FAM111A: variants seen among roughly 807,000 people sequenced by gnomAD.
FAM111A encodes FAM111 trypsin like peptidase A.
FAM111A carries 8 observed loss-of-function variants against 3.3 expected under a neutral mutation model. The ratio of observed to expected loss-of-function variants is 2.39; its 90% CI spans 1.40 to 4.32. The LOEUF is 4.32. Among genes scored for constraint, FAM111A ranks in the 30% most tolerant of loss-of-function variants. The pLI, the probability that FAM111A is intolerant of heterozygous loss-of-function variation, is 0.00. For synonymous variants in FAM111A, 227 were observed against 243.1 expected, an observed-to-expected ratio of 0.93 and a Z score of 0.62; for missense variants, 683 against 727.6, an observed-to-expected ratio of 0.94 and a Z score of 0.71.
In FAM111A at chr11:59,148,955, T is replaced by C. The variant is rs752494544; in HGVS notation, c.81+2T>C. The C allele has an allele frequency of 6.2e-7, 1 of 1,605,106 alleles. No individual in the cohort carries two copies. The highest frequency in any genetic ancestry group is 1.1e-5 in the South Asian group (1 of 90,804). On this transcript the variant is annotated splice_donor_variant, in intron 5 of 5. Coordinates refer to ENST00000675163, the MANE Select transcript of FAM111A (RefSeq NM_001312909.2). LOFTEE classifies it high-confidence loss of function. The stretch of plus-strand genomic sequence containing the variant: ...AAAATCGAGCACTATTTTTCTCCGG[T>C]ATGTCTGTAAATTCTACTTATGTAA...
In FAM111A at chr11:59,152,058, C is replaced by T. The variant is rs1332676821; in HGVS notation, c.390C>T (p.Gly130=). The stretch of plus-strand genomic sequence containing the variant: ...AAGGCCAAGAAATGCTTGTGCGTGG[C>T]ACAGAAGGAATCAAAGAGTACATAA... ...THQGQEMLVR[G]TEGIKEYINL... Residue 130 remains glycine, a synonymous_variant, in exon 6 of 6, where the codon GGC becomes GGT. Coordinates refer to ENST00000675163, the MANE Select transcript of FAM111A (RefSeq NM_001312909.2). 6.2e-7 allele frequency: 1 copy of T among 1,614,060 alleles called. No individual in the cohort carries two copies. Among genetic ancestry groups the T allele is most frequent in the Non-Finnish European group, 8.5e-7 (1 of 1,180,042 alleles).
rs1862107987 is a variant in FAM111A at position 59,154,730 on chromosome 11, T to C, written c.*1226T>C. The C allele has an allele frequency of 6.6e-6, 1 of 152,574 alleles. No homozygotes were observed. Among genetic ancestry groups the C allele is most frequent in the South Asian group, 2.1e-4 (1 of 4,834 alleles). The allele number at this position is 152,574 out of a possible 1,614,324, so 9.5% of individuals were successfully genotyped here. ...TGTAGGAAAACAGCCTGTTGCATTG[T>C]AAGAGTGATGTCATCTTGAAGAGCA... is the stretch of plus-strand genomic sequence containing the variant. On this transcript the variant is annotated 3_prime_UTR_variant, in exon 6 of 6. Coordinates refer to ENST00000675163, the MANE Select transcript of FAM111A (RefSeq NM_001312909.2).
intron 4 of FAM111A, among the ~76,000 whole-genome samples, chr11:59,147,518 C>G (rs990889902): frequency 1.3e-5 from 2 of 152,142 alleles, no homozygotes; most frequent in Admixed American, 6.5e-5. Context: ...TTTTAACAAT[C>G]CATAGTTGTT....
chr11:59,143,933 C>T (rs1029701172), intron 3 of FAM111A: 1 of 152,160 alleles, frequency 6.6e-6, no homozygotes, highest in African/African-American at 2.4e-5. Flanking sequence ...GACTTTGAAC[C>T]TTTACCTCAA....
chr11:59,150,121 T>A (rs1366226858), intron 5 of FAM111A, among the ~76,000 whole-genome samples: 1 of 152,148 alleles, frequency 6.6e-6, no homozygotes. Context: ...CTATTCCTCT[T>A]CCCCTTTCAG....
At chr11:59,146,769 T>C (rs867145891) in intron 4 of FAM111A, among the ~76,000 whole-genome samples, 2 of 152,156 alleles carry the variant, frequency 1.3e-5, no homozygotes, top group Non-Finnish European at 1.5e-5. Flanking sequence ...AACAATGACA[T>C]GAGGAAACAA....
In FAM111A at chr11:59,153,443, G is replaced by T. The variant is rs770245385; in HGVS notation, c.1775G>T (p.Trp592Leu). Residue 592 changes from tryptophan to leucine, a missense_variant, in exon 6 of 6, where the codon TGG (tryptophan) becomes TTG (leucine). Trp to Leu is a moderately conservative substitution (Grantham distance 61, BLOSUM62 -2). Transcript: ENST00000675163. ...LLDIKQRHKP[W>L]YEEVFVNQQD... ...GATATTAAGCAAAGACATAAACCAT[G>T]GTATGAAGAAGTATTTGTAAATCAG... 74 of 1,613,228 alleles carry T rather than the reference G, an allele frequency of 4.6e-5. No homozygotes were observed. The highest frequency in any genetic ancestry group is 6.2e-5 in the Non-Finnish European group (73 of 1,179,712).
chr11:59,150,940 A>T (rs1050543470), intron 5 of FAM111A, among the ~76,000 whole-genome samples: 46 of 152,350 alleles, frequency 3.0e-4, no homozygotes, highest in Admixed American at 2.6e-4. Flanking sequence ...ATTTATTGTT[A>T]CAAATAACTA....
intron 4 of FAM111A, among the ~76,000 whole-genome samples, chr11:59,147,555 C>G (rs1209979648): frequency 6.6e-6 from 1 of 152,174 alleles, no homozygotes; most frequent in Non-Finnish European, 1.5e-5. Context: ...AATCCCAGAG[C>G]TAGTTTTTAA....
In FAM111A at chr11:59,153,703, ATTTTT is replaced by A; in HGVS notation, c.*211_*215del. 6.2e-6 allele frequency: 2 copies of A among 322,778 alleles called. No homozygotes were observed. Among genetic ancestry groups the A allele is most frequent in the African/African-American group, 2.4e-5 (1 of 41,486 alleles). 20.0% of individuals were successfully genotyped at this position (322,778 alleles called of 1,614,324 possible). On this transcript the variant is annotated 3_prime_UTR_variant, in exon 6 of 6. Transcript: ENST00000675163. ...ATGAGATGGACTATAACTTGCCCAA[ATTTTT>A]TTTTTTTTTTTGAGACTGAGTCTCA...
chr11:59,150,638 G>A (rs549032725), intron 5 of FAM111A, among the ~76,000 whole-genome samples: 164 of 152,076 alleles, frequency 1.1e-3, no homozygotes, highest in African/African-American at 3.0e-3. Context: ...AAGATAATGC[G>A]CTACAAAAAT....
intron 4 of FAM111A, among the ~76,000 whole-genome samples, chr11:59,147,480 T>C (rs1178895006): frequency 6.6e-6 from 1 of 152,236 alleles, no homozygotes; most frequent in Admixed American, 6.5e-5. Flanking sequence ...TTTATATTTG[T>C]TCTCCAGGTC....
At chr11:59,147,677 T>C (rs1861106104) in intron 4 of FAM111A, among the ~76,000 whole-genome samples, 1 of 152,250 alleles carries the variant, frequency 6.6e-6, no homozygotes, top group South Asian at 2.1e-4. Flanking sequence ...TTAGTTCTTT[T>C]ACTGTTTCAC....
rs373283583 is a variant in FAM111A, at chr11:59,152,719, G to A, written c.1051G>A (p.Val351Ile). Residue 351 changes from valine to isoleucine, a missense_variant, in exon 6 of 6, where the codon GTA becomes ATA. By Grantham distance (29) the Val-to-Ile change is conservative. Around this residue, in one of 3 missense-constraint regions of FAM111A, gnomAD observed 557 missense variants for 600.2 expected, o/e 0.93. Coordinates refer to ENST00000675163, the MANE Select transcript of FAM111A (RefSeq NM_001312909.2). ...TTCGATTAAAGTAGTGAAACTTCTT[G>A]TACGTCTCAGTGACTCAGTTGGGTA... ...SSSIKVVKLL[V>I]RLSDSVGYLF... 1.2e-6 allele frequency: 2 copies of A among 1,614,220 alleles called. No homozygotes were observed. Among genetic ancestry groups the A allele is most frequent in the Non-Finnish European group, 1.7e-6 (2 of 1,180,030 alleles).
At chr11:59,150,831 GT>G (rs147843163) in intron 5 of FAM111A, among the ~76,000 whole-genome samples, 7,188 of 152,228 alleles carry the variant, frequency 0.047, 455 homozygotes, top group East Asian at 0.15. Context: ...GGATAGATAA[GT>G]CATGTTTGTT....
intron 4 of FAM111A, 89 bp downstream of exon 4, chr11:59,145,945 G>A (rs1035412250): frequency 4.7e-5 from 7 of 150,442 alleles, no homozygotes; most frequent in Non-Finnish European, 8.9e-5. Flanking sequence ...TGTTTTAAAG[G>A]CTTTGCATAT....
Position 59,152,465 on chromosome 11 carries a change from T to A in FAM111A, c.797T>A (p.Val266Asp), listed in dbSNP as rs1464324274. 6.2e-7 allele frequency: 1 copy of A among 1,613,890 alleles called. No homozygotes were observed. Among genetic ancestry groups the A allele is most frequent in the African/African-American group, 1.3e-5 (1 of 74,888 alleles). ...VDELEGRYFQ[V>D]EVEKRMVPSA... ...GAATTAGAAGGCAGATACTTTCAGG[T>A]TGAGGTTGAGAAAAGAATGGTCCCC... is the stretch of plus-strand genomic sequence containing the variant. The change falls in exon 6 of 6, where the codon GTT becomes GAT. Residue 266 changes from valine to aspartate, a missense_variant. Around this residue, in one of 3 missense-constraint regions of FAM111A, gnomAD observed 557 missense variants for 600.2 expected, o/e 0.93. Transcript: ENST00000675163.
Position 59,153,265 on chromosome 11 carries a change from GAC to G in FAM111A, c.1600_1601del (p.Thr534Ter), listed in dbSNP as rs750464828. 2.5e-6 allele frequency: 4 copies of G among 1,614,146 alleles called. No individual in the cohort carries two copies. In the East Asian group the frequency reaches 6.7e-5, roughly 27 times the overall value. On this transcript the variant is annotated frameshift_variant, in exon 6 of 6. Coordinates refer to ENST00000675163, the MANE Select transcript of FAM111A (RefSeq NM_001312909.2). LOFTEE classifies it low-confidence loss of function (END_TRUNC). The part of the protein sequence containing the change: ...IVHNPDVITY[D>X]TEFFFGASGS... The stretch of plus-strand genomic sequence containing the variant: ...TCACAACCCTGATGTGATTACCTAT[GAC>G]ACTGAATTTTTCTTTGGGGCTTCCG...
rs369758756 is a variant in FAM111A, at chr11:59,152,557, G to A, written c.889G>A (p.Val297Met). 15 of 1,614,006 alleles carry A rather than the reference G, an allele frequency of 9.3e-6. No homozygotes were observed. Among genetic ancestry groups the A allele is most frequent in the African/African-American group, 4.0e-5 (3 of 74,996 alleles). The change falls in exon 6 of 6, where the codon GTG becomes ATG. Residue 297 changes from valine to methionine, a missense_variant. This residue lies in a region of FAM111A where 557 missense variants were observed against 600.2 expected (regional missense o/e 0.93). Coordinates refer to ENST00000675163, the MANE Select transcript of FAM111A (RefSeq NM_001312909.2). Reference sequence around the variant, plus strand: ...CACCTGTGTGTTGAGAGAACAAATCGTGGCTCAGTACCCCAGTTTGAAAAG... The same window carrying A: ...CACCTGTGTGTTGAGAGAACAAATCATGGCTCAGTACCCCAGTTTGAAAAG... Reference protein sequence around the residue: ...RNTCVLREQIVAQYPSLKRES... With the variant: ...RNTCVLREQIMAQYPSLKRES...
Sources: gnomAD v4.1 joint callset for allele counts (sites outside exome capture counted in the v4.1 genomes callset) on GRCh38, gnomAD v4.1.1 for gene constraint, gnomAD v4.1.1 regional missense constraint, MANE v1.5 for transcripts, NCBI Gene and HGNC (gene_info 2026-07-23, HGNC 2026-07-21) for gene names.